The following RUNX1T1 variants were observed in gnomAD, a reference collection of about 807,000 sequenced individuals.
RUNX1T1 encodes the protein protein CBFA2T1.
A neutral mutation model predicts 62.8 loss-of-function variants in RUNX1T1; 4 were observed. That is an observed-to-expected ratio of 0.06 (90% CI 0.03 to 0.15). RUNX1T1 has a LOEUF of 0.15. RUNX1T1 is among the 10% of genes least tolerant of loss of function. The probability of loss-of-function intolerance (pLI) is 1.00; values close to 1 mark genes in which losing one functional copy is unlikely to be tolerated. For missense variants in RUNX1T1, 508 were observed against 754.3 expected (o/e 0.67, Z 3.82); for synonymous variants, 291 against 286.0 (o/e 1.02, Z -0.18).
intron 1 of RUNX1T1, chr8:92,062,405 T>C (rs1436196598): frequency 1.1e-5 from 10 of 907,590 alleles, no homozygotes; most frequent in Non-Finnish European, 1.6e-5. Context: ...TACCTTCCAA[T>C]CACACCTCTG....
At chr8:92,062,063 A>C (rs551830391) in intron 1 of RUNX1T1, among the ~76,000 whole-genome samples, 1 of 152,342 alleles carries the variant, frequency 6.6e-6, no homozygotes, top group South Asian at 2.1e-4. Flanking sequence ...ATTTAGGACA[A>C]GACTGAAATT....
chr8:92,075,503 A>G (rs1313142198), intron 2 of RUNX1T1, among the ~76,000 whole-genome samples: 1 of 152,238 alleles, frequency 6.6e-6, no homozygotes, highest in Non-Finnish European at 1.5e-5. Context: ...GTTTTTTAAA[A>G]ATCCAAATAC....
chr8:92,038,731 T>G (rs142604230), intron 1 of RUNX1T1, among the ~76,000 whole-genome samples: 1 of 152,270 alleles, frequency 6.6e-6, no homozygotes, highest in Non-Finnish European at 1.5e-5. Flanking sequence ...ATAGTCTACT[T>G]AATATAGCAA....
upstream of RUNX1T1, chr8:92,063,685 C>T (rs1832426731): frequency 6.6e-6 from 1 of 152,246 alleles, no homozygotes; most frequent in African/African-American, 2.4e-5. Context: ...ACACGCCTGC[C>T]TGCCTTGCAT....
At position 91,979,663 on chromosome 8, in the gene RUNX1T1, A is replaced by G. The variant is rs76285241; in HGVS notation, c.1199-3690T>C. On this transcript the variant is annotated intron_variant, in intron 8 of 10. Coordinates refer to ENST00000396218, the Ensembl canonical transcript of RUNX1T1. ...AGGGAGCCTCTTGAAAATAATTCACATCTATGAAGAGAGGAGACCAGGTCA... is the reference window on the plus strand; with the variant it reads ...AGGGAGCCTCTTGAAAATAATTCACGTCTATGAAGAGAGGAGACCAGGTCA... 6.3e-3 allele frequency: 1,819 copies of G among 287,740 alleles called. 28 individuals carry two copies. Among genetic ancestry groups the G allele is most frequent in the African/African-American group, 0.036 (1,664 of 45,898 alleles). 17.8% of individuals were successfully genotyped at this position (287,740 alleles called of 1,614,324 possible).
chr8:92,051,552 GCT>G (rs750578913), intron 1 of RUNX1T1, among the ~76,000 whole-genome samples: 7 of 150,854 alleles, frequency 4.6e-5, no homozygotes, highest in Admixed American at 2.0e-4. Flanking sequence ...TCTTGCACAT[GCT>G]CTCTCTCTCT....
chr8:91,955,842 G>T (rs1013806645), downstream of RUNX1T1: 4 of 227,948 alleles, frequency 1.8e-5, no homozygotes, highest in African/African-American at 8.9e-5. Context: ...TAGGGGAGAA[G>T]GGTTTGTTTT....
chr8:91,956,379 C>T (rs539179193), downstream of RUNX1T1: 23 of 230,316 alleles, frequency 1.0e-4, no homozygotes, highest in South Asian at 1.1e-3. Flanking sequence ...TACAGAGCCA[C>T]GCTTTGTAGC....
At chr8:91,971,344 C>T (rs920302667) in intron 9 of RUNX1T1, among the ~76,000 whole-genome samples, 1 of 152,012 alleles carries the variant, frequency 6.6e-6, no homozygotes, top group African/African-American at 2.4e-5. Flanking sequence ...AGTCAGTTTT[C>T]CACAATGCTA....
chr8:92,005,477 T>A, intron 4 of RUNX1T1, 180 bp from the exon 6 acceptor site: 1 of 570,248 alleles, frequency 1.8e-6, no homozygotes, highest in Non-Finnish European at 3.0e-6. Context: ...TGTGCGCAGA[T>A]TGCCCTAAGT....
intron 1 of RUNX1T1, among the ~76,000 whole-genome samples, chr8:92,059,575 C>G (rs1478663830): frequency 6.6e-6 from 1 of 152,134 alleles, no homozygotes; most frequent in African/African-American, 2.4e-5. Flanking sequence ...ATATATAGCT[C>G]TACTAAATGG....
At chr8:92,047,323 C>T (rs1787141403) in intron 1 of RUNX1T1, among the ~76,000 whole-genome samples, 1 of 152,108 alleles carries the variant, frequency 6.6e-6, no homozygotes, top group African/African-American at 2.4e-5. Context: ...CTCAAAAGTC[C>T]CTTCTCAAAG....
chr8:92,039,878 T>C (rs983445332), intron 1 of RUNX1T1, among the ~76,000 whole-genome samples: 6 of 152,140 alleles, frequency 3.9e-5, no homozygotes, highest in Non-Finnish European at 7.4e-5. Context: ...TTCTTGCTCA[T>C]TGACACTGTG....
At chr8:92,060,652 T>G (rs1451143045) in intron 1 of RUNX1T1, among the ~76,000 whole-genome samples, 1 of 150,148 alleles carries the variant, frequency 6.7e-6, no homozygotes, top group Non-Finnish European at 1.5e-5. Context: ...CCTTTTAATC[T>G]TCTACACATA....
intron 1 of RUNX1T1, among the ~76,000 whole-genome samples, chr8:92,024,108 T>C (rs1249668931): frequency 2.6e-5 from 4 of 152,198 alleles, no homozygotes; most frequent in African/African-American, 9.6e-5. Flanking sequence ...TCCTACAATT[T>C]GGGTCTTCCA....
At chr8:91,990,247 C>T (rs1419576497) in intron 6 of RUNX1T1, among the ~76,000 whole-genome samples, 1 of 152,218 alleles carries the variant, frequency 6.6e-6, no homozygotes, top group South Asian at 2.1e-4. Context: ...TGGCTGCATT[C>T]CCCAGAATTC....
chr8:92,090,624 A>C (rs994776953), intron 1 of RUNX1T1, among the ~76,000 whole-genome samples: 2 of 152,180 alleles, frequency 1.3e-5, no homozygotes, highest in African/African-American at 4.8e-5. Context: ...CTGATTCCTA[A>C]GTGGGGGTGA....
intron 8 of RUNX1T1, 115 bp from the exon 10 acceptor site, chr8:91,976,088 C>A: frequency 1.4e-6 from 1 of 705,378 alleles, no homozygotes; most frequent in Non-Finnish European, 2.5e-6. Flanking sequence ...TCTACAAAAA[C>A]GCAATTTTAA....
At chr8:92,005,225 G>A (rs564506349) in exon 5 of RUNX1T1, 1 of 1,614,068 alleles carries the variant, frequency 6.2e-7, no homozygotes, top group East Asian at 2.2e-5. Flanking sequence ...TGCTGGGCGA[G>A]GTACTGGGCA....
Sources: allele counts gnomAD v4.1 joint callset (sites outside exome capture counted in the v4.1 genomes callset), GRCh38; gene constraint gnomAD v4.1.1; transcripts MANE v1.5; gene names NCBI Gene and HGNC (gene_info 2026-07-23, HGNC 2026-07-21).